ANGPT1: variants seen among roughly 807,000 people sequenced by gnomAD.
ANGPT1 encodes the protein angiopoietin 1.
A neutral mutation model predicts 62.2 loss-of-function variants in ANGPT1; 17 were observed. The observed-to-expected ratio is 0.27, with a 90% CI of 0.19 to 0.41. The LOEUF is 0.41. Ranked by LOEUF, ANGPT1 falls within the 10% of genes least tolerant of loss-of-function variation. ANGPT1 has a pLI of 1.00. For missense variants in ANGPT1, 478 were observed against 594.9 expected, an observed-to-expected ratio of 0.80 and a Z score of 2.04; for synonymous variants, 199 against 198.9, an observed-to-expected ratio of 1.00 and a Z score of 0.00.
chr8:107,474,913 C>T (rs1812473400), intron 1 of ANGPT1, among the ~76,000 whole-genome samples: 1 of 152,118 alleles, frequency 6.6e-6, no homozygotes, highest in African/African-American at 2.4e-5. Flanking sequence ...AGCTACAACC[C>T]ACTGCTCAAT....
At chr8:107,444,828 C>T (rs973002986) in intron 1 of ANGPT1, among the ~76,000 whole-genome samples, 1 of 152,080 alleles carries the variant, frequency 6.6e-6, no homozygotes. Flanking sequence ...AGATAAATTG[C>T]ACCTCTCTAC....
intron 1 of ANGPT1, among the ~76,000 whole-genome samples, chr8:107,492,619 G>A (rs1329633942): frequency 7.3e-6 from 1 of 136,636 alleles, no homozygotes; most frequent in Admixed American, 7.4e-5. Context: ...TTACAGGTGT[G>A]AGCCACCACG....
chr8:107,443,175 A>G (rs1020717650), intron 1 of ANGPT1, among the ~76,000 whole-genome samples: 1 of 152,158 alleles, frequency 6.6e-6, no homozygotes, highest in Admixed American at 6.5e-5. Context: ...TGGGGCCATA[A>G]GATTTCTGAG....
intron 1 of ANGPT1, among the ~76,000 whole-genome samples, chr8:107,429,423 G>T (rs1022065481): frequency 5.9e-5 from 9 of 152,124 alleles, no homozygotes. Context: ...CCCCCTTGAA[G>T]CCGAAGTTTC....
intron 5 of ANGPT1, among the ~76,000 whole-genome samples, chr8:107,299,837 CTAGATATACTATATATTTAGATAT>C (rs1814530464): frequency 1.5e-4 from 13 of 87,120 alleles, no homozygotes; most frequent in Non-Finnish European, 2.5e-4. Context: ...GTAGTTATAT[CTAGATATACTATATATTTAGATAT>C]GTAGTTATAT....
chr8:107,322,256 G>T, intron 3 of ANGPT1, 128 bp from the exon 4 acceptor site: 2 of 683,680 alleles, frequency 2.9e-6, no homozygotes, highest in Non-Finnish European at 4.8e-6. Flanking sequence ...ATATTTTTAA[G>T]TGAGAGACTT....
At chr8:107,336,744 T>C (rs1815578782) in intron 2 of ANGPT1, among the ~76,000 whole-genome samples, 2 of 151,942 alleles carry the variant, frequency 1.3e-5, no homozygotes, top group African/African-American at 4.8e-5. Flanking sequence ...TTTCAGATAT[T>C]ATTTTGGTTT....
At chr8:107,410,351 G>A (rs918629144) in intron 1 of ANGPT1, among the ~76,000 whole-genome samples, 3 of 152,188 alleles carry the variant, frequency 2.0e-5, no homozygotes, top group African/African-American at 7.2e-5. Context: ...GAACTAGAAA[G>A]TCCCTAGGTC....
At chr8:107,305,637 C>T (rs1048777165) in intron 4 of ANGPT1, among the ~76,000 whole-genome samples, 2 of 151,940 alleles carry the variant, frequency 1.3e-5, no homozygotes, top group African/African-American at 4.8e-5. Context: ...AGAATTCTAC[C>T]ATCAAAAGGT....
intron 7 of ANGPT1, among the ~76,000 whole-genome samples, chr8:107,276,628 TA>T (rs10709941): frequency 0.91 from 136,743 of 150,490 alleles, 62,103 homozygotes; most frequent in Middle Eastern, 0.97. Context: ...TTTAATGATT[TA>T]AAAAAAAAAA....
intron 4 of ANGPT1, among the ~76,000 whole-genome samples, chr8:107,321,008 A>T (rs1815137498): frequency 6.6e-6 from 1 of 152,130 alleles, no homozygotes; most frequent in South Asian, 2.1e-4. Flanking sequence ...TCTTTCACTC[A>T]TCACCATTTA....
intron 1 of ANGPT1, among the ~76,000 whole-genome samples, chr8:107,384,595 CG>C (rs1023755458): frequency 3.3e-5 from 5 of 151,880 alleles, no homozygotes; most frequent in Non-Finnish European, 7.4e-5. Flanking sequence ...CTTTAGTAAA[CG>C]TAAGTTTCAG....
rs147431394 is a variant in ANGPT1 at position 107,474,999 on chromosome 8, G to A, written c.297+22263C>T. ...AGGAAGAATCAATATTGTGAAAATG[G>A]CCATACTGCCCAAGGTAATTTCTAG... is the stretch of plus-strand genomic sequence containing the variant. On this transcript the variant is annotated intron_variant, in intron 1 of 8. Transcript: ENST00000517746. Among the ~76,000 whole-genome samples the A allele has an allele frequency of 9.0e-3, 1,373 of 152,192 alleles. 22 individuals are homozygous for A. The highest frequency in any genetic ancestry group is 0.032 in the African/African-American group (1,328 of 41,508).
chr8:107,411,125 ATAATTCTGC>A (rs1350281677), intron 1 of ANGPT1, among the ~76,000 whole-genome samples: 17 of 152,298 alleles, frequency 1.1e-4, no homozygotes, highest in African/African-American at 3.8e-4. Flanking sequence ...GAAAATTCAC[ATAATTCTGC>A]TATTTTTGTT....
chr8:107,291,899 G>A (rs935945587), intron 6 of ANGPT1, among the ~76,000 whole-genome samples: 10 of 145,776 alleles, frequency 6.9e-5, no homozygotes, highest in Admixed American at 2.0e-4. Context: ...GATGGGGGGG[G>A]GGGGGGGCTT....
intron 7 of ANGPT1, among the ~76,000 whole-genome samples, chr8:107,272,443 C>T (rs181918402): frequency 2.9e-4 from 44 of 151,964 alleles, no homozygotes; most frequent in African/African-American, 1.0e-3. Context: ...TAATGTCTCC[C>T]CTTCACTTAC....
intron 1 of ANGPT1, among the ~76,000 whole-genome samples, chr8:107,484,616 C>A (rs564683754): frequency 3.9e-5 from 6 of 152,148 alleles, no homozygotes; most frequent in Admixed American, 3.9e-4. Context: ...CACCATGTTG[C>A]CCAGGCTGGT....
chr8:107,447,138 C>A (rs951449502), intron 1 of ANGPT1, among the ~76,000 whole-genome samples: 2 of 152,170 alleles, frequency 1.3e-5, no homozygotes, highest in African/African-American at 4.8e-5. Flanking sequence ...CCACTATGAT[C>A]CCTCACTGCA....
In ANGPT1 at chr8:107,249,616, GA is replaced by G. The variant is rs1260326207; in HGVS notation, c.*2238del. 1 of 151,908 alleles carries G rather than the reference GA, an allele frequency of 6.6e-6. No individual in the cohort carries two copies. Among genetic ancestry groups the G allele is most frequent in the Non-Finnish European group, 1.5e-5 (1 of 67,964 alleles). The allele number at this position is 151,908 out of a possible 1,614,324, so 9.4% of individuals were successfully genotyped here. A position where few individuals can be genotyped will look rare whatever the true frequency, so the allele number is the denominator to read the frequency against. On this transcript the variant is annotated 3_prime_UTR_variant, in exon 9 of 9. Coordinates refer to ENST00000517746, the MANE Select transcript of ANGPT1 (RefSeq NM_001146.5). ...TTATCCTATTCTGAAACAATTAAAA[GA>G]ATACACATGTTAAATTGCCATAAAC...
Sources: allele counts gnomAD v4.1 joint callset (sites outside exome capture counted in the v4.1 genomes callset), GRCh38; gene constraint gnomAD v4.1.1; transcripts MANE v1.5; gene names NCBI Gene and HGNC (gene_info 2026-07-23, HGNC 2026-07-21).